PCDHGB1: variants seen among roughly 807,000 people sequenced by gnomAD.
PCDHGB1 encodes the protein protocadherin gamma subfamily B, 1.
A neutral mutation model predicts 56.6 loss-of-function variants in PCDHGB1; 34 were observed. The ratio of observed to expected loss-of-function variants is 0.60; its 90% CI spans 0.46 to 0.80. The LOEUF is 0.80. Among genes scored for constraint, PCDHGB1 ranks in the 30% least tolerant of loss-of-function variants. The pLI, the probability that PCDHGB1 is intolerant of heterozygous loss-of-function variation, is 0.00. For missense variants in PCDHGB1, 1,278 were observed against 1,204.6 expected (o/e 1.06, Z -0.90); for synonymous variants, 561 against 505.9 (o/e 1.11, Z -1.46).
intron 1 of PCDHGB1, chr5:141,372,194 C>T: frequency 6.2e-7 from 1 of 1,613,572 alleles, no homozygotes; most frequent in Non-Finnish European, 8.5e-7. Context: ...ACTCGGGATA[C>T]AACGCCTGGC....
intron 1 of PCDHGB1, chr5:141,356,099 A>C (rs769953317): frequency 1.2e-6 from 2 of 1,613,764 alleles, no homozygotes; most frequent in African/African-American, 1.3e-5. Flanking sequence ...CTGAGTGGGG[A>C]TATAACAATA....
Position 141,352,129 on chromosome 5 carries a change from C to T in PCDHGB1, c.1869C>T (p.Arg623=). Reference sequence around the variant, plus strand: ...TGGGGTTGCGCACGGGTGAGGTGCGCACAGCGCGTGCCTTGGGCGACAGGG... The same window carrying T: ...TGGGGTTGCGCACGGGTGAGGTGCGTACAGCGCGTGCCTTGGGCGACAGGG... ...FSLGLRTGEV[R]TARALGDRDA... is the part of the protein sequence containing the mutation. Residue 623 remains arginine (R), a synonymous_variant, in exon 1 of 4, where the codon CGC becomes CGT. Coordinates refer to ENST00000523390, the MANE Select transcript of PCDHGB1 (RefSeq NM_018922.3). 2 of 1,610,506 alleles carry T rather than the reference C, an allele frequency of 1.2e-6. No homozygotes were observed. The highest frequency in any genetic ancestry group is 8.5e-7 in the Non-Finnish European group (1 of 1,178,960).
intron 1 of PCDHGB1, among the ~76,000 whole-genome samples, chr5:141,463,124 T>C (rs2099053100): frequency 6.6e-6 from 1 of 152,174 alleles, no homozygotes; most frequent in African/African-American, 2.4e-5. Context: ...AATAGCTCCC[T>C]GGCAGTTCTT....
chr5:141,497,131 A>G (rs1269110126), intron 2 of PCDHGB1, among the ~76,000 whole-genome samples: 3 of 152,122 alleles, frequency 2.0e-5, no homozygotes, highest in Admixed American at 6.6e-5. Flanking sequence ...GGTTGCAGTG[A>G]GCTGAGATCA....
intron 1 of PCDHGB1, among the ~76,000 whole-genome samples, chr5:141,401,115 G>C (rs923480761): frequency 5.9e-5 from 9 of 151,974 alleles, no homozygotes; most frequent in African/African-American, 1.7e-4. Context: ...AGGCCGAGGC[G>C]GTTGGATCAC....
chr5:141,403,816 A>G (rs2094457403), intron 1 of PCDHGB1: 4 of 1,613,874 alleles, frequency 2.5e-6, no homozygotes, highest in Non-Finnish European at 3.4e-6. Context: ...ATGAAAAACA[A>G]TCTCTGCTAT....
rs773484841 is a variant in PCDHGB1 at position 141,432,092 on chromosome 5, A to G, written c.2410-62715A>G. 4.3e-6 allele frequency: 7 copies of G among 1,614,104 alleles called. No individual in the cohort carries two copies. The East Asian group carries it at 1.6e-4, about 36-fold the overall frequency. On this transcript the variant is annotated intron_variant, in intron 1 of 3. Transcript: ENST00000523390. The surrounding 1 kb of genome is among the most constrained non-coding windows in gnomAD (Gnocchi z 6.0). Reference sequence around the variant, plus strand: ...TCATATCTCGCTGAACGTGGCAGACACCAACGACAACCCGCCGGTCTTCCC... The same window carrying G: ...TCATATCTCGCTGAACGTGGCAGACGCCAACGACAACCCGCCGGTCTTCCC...
Position 141,511,156 on chromosome 5 carries a change from A to G in PCDHGB1, c.2767A>G (p.Lys923Glu), listed in dbSNP as rs2099883637. 6.2e-7 allele frequency: 1 copy of G among 1,614,080 alleles called. No individual in the cohort carries two copies. The highest frequency in any genetic ancestry group is 1.3e-5 in the African/African-American group (1 of 74,940). Residue 923 changes from lysine (K) to glutamate (E), a missense_variant, in exon 4 of 4, where the codon AAG (lysine) becomes GAG (glutamate). By Grantham distance (56) the Lys-to-Glu change is moderately conservative (BLOSUM62 1). Transcript: ENST00000523390. ...CAATGGCAACAAGAAGAAGTCGGGC[A>G]AGAAGGAGAAGAAGTAACATGGAGG... is the stretch of plus-strand genomic sequence containing the variant. ...GGNGNKKKSG[K>E]KEKK
At chr5:141,413,702 T>G (rs1448671585) in intron 1 of PCDHGB1, 4 of 1,613,606 alleles carry the variant, frequency 2.5e-6, no homozygotes, top group Non-Finnish European at 3.4e-6. Flanking sequence ...AGCTATCAGC[T>G]CAGCCCCAAT....
rs70988800 is a variant in PCDHGB1 at position 141,379,889 on chromosome 5, C to CTTTTTTTTTTTTTTTTTTTTTTTT, written c.2409+27227_2409+27250dup. Among the ~76,000 whole-genome samples, 49 of 50,830 alleles carry CTTTTTTTTTTTTTTTTTTTTTTTT rather than the reference C, an allele frequency of 9.6e-4. 5 individuals are homozygous for CTTTTTTTTTTTTTTTTTTTTTTTT. The highest frequency in any genetic ancestry group is 1.6e-3 in the Non-Finnish European group (41 of 25,880). 33.3% of individuals were successfully genotyped at this position (50,830 alleles called of 152,430 possible). ...CTTATTTTATGGTCTGTGAAAGCCT[C>CTTTTTTTTTTTTTTTTTTTTTTTT]TTTTTTTTTTTTTTTTTTTTTTTTT... On this transcript the variant is annotated intron_variant, in intron 1 of 3. Coordinates refer to ENST00000523390, the MANE Select transcript of PCDHGB1 (RefSeq NM_018922.3).
At chr5:141,414,897 C>A (rs2095799678) in intron 1 of PCDHGB1, 7 of 1,614,230 alleles carry the variant, frequency 4.3e-6, no homozygotes, top group Non-Finnish European at 5.9e-6. Flanking sequence ...TCCCCACAGA[C>A]GGTTCCACAG....
chr5:141,450,010 T>A (rs2098664468), intron 1 of PCDHGB1, among the ~76,000 whole-genome samples: 1 of 135,330 alleles, frequency 7.4e-6, no homozygotes, highest in African/African-American at 3.3e-5. Flanking sequence ...ATGTCTCTTT[T>A]TTTTTTTTTT....
intron 1 of PCDHGB1, chr5:141,475,966 A>T (rs1252698069): frequency 2.3e-6 from 2 of 888,664 alleles, no homozygotes; most frequent in Admixed American, 5.2e-5. Flanking sequence ...GGGATGAGGC[A>T]GAGACTGAAC....
intron 1 of PCDHGB1, chr5:141,388,314 G>C: frequency 6.2e-7 from 1 of 1,613,824 alleles, no homozygotes; most frequent in Non-Finnish European, 8.5e-7. Context: ...GCAAATAAGT[G>C]AGTCTGCACA....
Position 141,415,576 on chromosome 5 carries a change from T to C in PCDHGB1, c.2409+62907T>C, listed in dbSNP as rs182127695. 9.5e-5 allele frequency: 153 copies of C among 1,614,182 alleles called. No individual in the cohort carries two copies. The Admixed American group carries it at 1.6e-3, about 17-fold the overall frequency. Reference sequence around the variant, plus strand: ...CGATCCTTTGTCTTTGTTAGATGATTCGAAGTTTCCTATAGAGGATACCCC... The same window carrying C: ...CGATCCTTTGTCTTTGTTAGATGATCCGAAGTTTCCTATAGAGGATACCCC... On this transcript the variant is annotated intron_variant, in intron 1 of 3. Transcript: ENST00000523390.
intron 1 of PCDHGB1, chr5:141,360,679 GA>G: frequency 6.2e-7 from 1 of 1,613,988 alleles, no homozygotes; most frequent in Non-Finnish European, 8.5e-7. Flanking sequence ...TGATCTCGCT[GA>G]GAAACAGACT....
intron 1 of PCDHGB1, chr5:141,378,729 T>C (rs769149282): frequency 1.1e-4 from 17 of 152,216 alleles, no homozygotes; most frequent in African/African-American, 3.4e-4. Flanking sequence ...GAACTCTTTA[T>C]TGAAATATTT....
At chr5:141,371,561 C>G (rs2240697) in intron 1 of PCDHGB1, 742,014 of 1,613,358 alleles carry the variant, frequency 0.46, 178,763 homozygotes, top group African/African-American at 0.84. Flanking sequence ...TAAAAGGAAA[C>G]TTCCCCTTTA....
rs764538527 is a variant in PCDHGB1 at position 141,361,272 on chromosome 5, T to A, written c.2409+8603T>A. 6 of 1,613,890 alleles carry A rather than the reference T, an allele frequency of 3.7e-6. No individual in the cohort carries two copies. In the South Asian group the frequency reaches 6.6e-5, roughly 18 times the overall value. On this transcript the variant is annotated intron_variant, in intron 1 of 3. Transcript: ENST00000523390. ...CGAGAGACAGAGACTCTGGAGAAAA[T>A]GGAGAAGTTTACTGCCAAGTGTTGG...
Sources: gnomAD v4.1 joint callset for allele counts (sites outside exome capture counted in the v4.1 genomes callset) on GRCh38, gnomAD v4.1.1 for gene constraint, Gnocchi (gnomAD v3.1) non-coding constraint, MANE v1.5 for transcripts, NCBI Gene and HGNC (gene_info 2026-07-23, HGNC 2026-07-21) for gene names.